Variants in DTNBP1 observed in about 807,000 individuals in gnomAD.
The protein encoded by DTNBP1 is dystrobrevin binding protein 1, also known as dysbindin.
A neutral mutation model predicts 42.8 loss-of-function variants in DTNBP1; 35 were observed. The observed-to-expected ratio is 0.82, with a 90% CI of 0.63 to 1.09. The LOEUF (loss-of-function observed/expected upper bound fraction) is 1.09, where lower values mean the gene tolerates loss of function less well. Among genes scored for constraint, DTNBP1 ranks in the 50% least tolerant of loss-of-function variants. The pLI, the probability that DTNBP1 is intolerant of heterozygous loss-of-function variation, is 0.00. For missense variants in DTNBP1, 457 were observed against 424.2 expected (o/e 1.08, Z -0.68); for synonymous variants, 171 against 162.2 (o/e 1.05, Z -0.41).
intron 1 of DTNBP1, among the ~76,000 whole-genome samples, chr6:15,659,414 G>A (rs1761465639): frequency 6.6e-6 from 1 of 152,188 alleles, no homozygotes; most frequent in African/African-American, 2.4e-5. Context: ...AATTATTTTA[G>A]AAGGCAGCTG....
intron 6 of DTNBP1, among the ~76,000 whole-genome samples, chr6:15,599,003 T>G (rs1169147037): frequency 1.3e-5 from 2 of 152,232 alleles, no homozygotes; most frequent in East Asian, 3.9e-4. Flanking sequence ...GAAAAGGATC[T>G]GAAGGATATG....
intron 9 of DTNBP1, chr6:15,523,556 A>G: frequency 8.9e-6 from 11 of 1,234,630 alleles, no homozygotes; most frequent in Non-Finnish European, 1.1e-5. Flanking sequence ...TTGATAATCT[A>G]GATTTCTTTT....
intron 3 of DTNBP1, among the ~76,000 whole-genome samples, chr6:15,650,437 G>C (rs191959316): frequency 6.6e-6 from 1 of 151,920 alleles, no homozygotes; most frequent in African/African-American, 2.4e-5. Flanking sequence ...TGCACCACCA[G>C]GCCCAGCTAA....
At chr6:15,615,203 A>G in intron 6 of DTNBP1, 64 bp downstream of exon 6, 1 of 1,607,444 alleles carries the variant, frequency 6.2e-7, no homozygotes, top group Non-Finnish European at 8.5e-7. Flanking sequence ...AAAGAGTAGC[A>G]TGTAAAGTAA....
intron 1 of DTNBP1, among the ~76,000 whole-genome samples, chr6:15,658,239 C>CTGTAGATA (rs1223332946): frequency 4.6e-5 from 7 of 152,158 alleles, no homozygotes; most frequent in African/African-American, 1.7e-4. Context: ...GGCACTGGCA[C>CTGTAGATA]TTAATAGGAA....
chr6:15,582,437 A>G (rs1452115333), intron 7 of DTNBP1, among the ~76,000 whole-genome samples: 1 of 152,240 alleles, frequency 6.6e-6, no homozygotes, highest in Non-Finnish European at 1.5e-5. Flanking sequence ...CAAAGTACAG[A>G]GCTAACACAT....
intron 3 of DTNBP1, among the ~76,000 whole-genome samples, chr6:15,640,140 C>T (rs1760259000): frequency 6.6e-6 from 1 of 152,192 alleles, no homozygotes; most frequent in African/African-American, 2.4e-5. Flanking sequence ...GAGAAAGGCA[C>T]TAAATCCATT....
At chr6:15,624,929 T>C (rs1759255507) in intron 5 of DTNBP1, among the ~76,000 whole-genome samples, 1 of 152,140 alleles carries the variant, frequency 6.6e-6, no homozygotes, top group African/African-American at 2.4e-5. Context: ...ATGGTACAGA[T>C]ACATGTTTAC....
intron 4 of DTNBP1, among the ~76,000 whole-genome samples, chr6:15,634,594 A>T (rs1032423060): frequency 1.3e-5 from 2 of 152,238 alleles, no homozygotes; most frequent in Non-Finnish European, 1.5e-5. Flanking sequence ...CTGGGATTAC[A>T]GGTGTGAGCC....
At chr6:15,634,314 T>C (rs1759874302) in intron 4 of DTNBP1, among the ~76,000 whole-genome samples, 2 of 152,176 alleles carry the variant, frequency 1.3e-5, no homozygotes, top group Admixed American at 1.3e-4. Context: ...TGTTCTAGTT[T>C]TTTTCTACTA....
rs778746680 is a variant in DTNBP1, at chr6:15,637,722, A to G, written c.222+22T>C. 5.6e-6 allele frequency: 9 copies of G among 1,613,140 alleles called. No individual in the cohort carries two copies. In the African/African-American group the frequency reaches 1.1e-4, roughly 19 times the overall value. On this transcript the variant is annotated intron_variant, in intron 4 of 9. Coordinates refer to ENST00000344537, the MANE Select transcript of DTNBP1 (RefSeq NM_032122.5). ...TGAAAAAGGAAAGTTTGCCACGAGT[A>G]TAAGATTAGTCAATTCTTTACCTCT...
At chr6:15,641,269 C>T (rs1760334920) in intron 3 of DTNBP1, among the ~76,000 whole-genome samples, 1 of 152,060 alleles carries the variant, frequency 6.6e-6, no homozygotes, top group Non-Finnish European at 1.5e-5. Flanking sequence ...ATATCAAAAG[C>T]CAGTTTTTCT....
intron 7 of DTNBP1, among the ~76,000 whole-genome samples, chr6:15,535,984 G>A (rs555374087): frequency 2.4e-4 from 36 of 152,304 alleles, no homozygotes; most frequent in Admixed American, 9.1e-4. Context: ...GTGGAACCTT[G>A]AACTTGAGAG....
rs371513993 is a variant in DTNBP1, at chr6:15,629,757, G to A, written c.223-2282C>T. 2.6e-5 allele frequency among the ~76,000 whole-genome samples: 4 copies of A among 152,238 alleles called. No individual in the cohort carries two copies. The South Asian group carries it at 8.3e-4, about 32-fold the overall frequency. Reference sequence around the variant, plus strand: ...CATTATACAGATTTTAAAAATTGAGGTGTAATGAAGTTAAGTTACTTCCTT... The same window carrying A: ...CATTATACAGATTTTAAAAATTGAGATGTAATGAAGTTAAGTTACTTCCTT... On this transcript the variant is annotated intron_variant, in intron 4 of 9. Transcript: ENST00000344537.
rs117610176 is a variant in DTNBP1 at position 15,524,368 on chromosome 6, A to G, written c.811+158T>C. 3,433 of 1,613,690 alleles carry G rather than the reference A, an allele frequency of 2.1e-3. 90 individuals carry two copies. In the East Asian group the frequency reaches 0.068, roughly 32 times the overall value. ...ACCACACCACTGTTGCAGCTGCCAC[A>G]CAGCCGTGTGGAACCGTGGGGTTAG... On this transcript the variant is annotated intron_variant, in intron 9 of 9. Coordinates refer to ENST00000344537, the MANE Select transcript of DTNBP1 (RefSeq NM_032122.5).
At chr6:15,633,429 T>C (rs1246739693) in intron 4 of DTNBP1, among the ~76,000 whole-genome samples, 10 of 151,772 alleles carry the variant, frequency 6.6e-5, no homozygotes, top group Non-Finnish European at 1.2e-4. Context: ...TTAACAGGAG[T>C]TTGGAAGAAA....
chr6:15,654,630 C>T (rs1460952921), intron 1 of DTNBP1, among the ~76,000 whole-genome samples: 1 of 151,746 alleles, frequency 6.6e-6, no homozygotes, highest in African/African-American at 2.4e-5. Flanking sequence ...CTCCCCGCCA[C>T]CGACAAAAAG....
chr6:15,629,511 A>G (rs1287240310), intron 4 of DTNBP1, among the ~76,000 whole-genome samples: 1 of 152,132 alleles, frequency 6.6e-6, no homozygotes, highest in East Asian at 1.9e-4. Context: ...TATAGAATAT[A>G]AGCATATGTA....
chr6:15,574,692 GGGA>G (rs996974622), intron 7 of DTNBP1, among the ~76,000 whole-genome samples: 1 of 152,102 alleles, frequency 6.6e-6, no homozygotes, highest in Non-Finnish European at 1.5e-5. Flanking sequence ...ACTTTTGTGG[GGGA>G]GGAGGAGGAG....
Sources: allele counts gnomAD v4.1 joint callset (sites outside exome capture counted in the v4.1 genomes callset), GRCh38; gene constraint gnomAD v4.1.1; transcripts MANE v1.5; gene names NCBI Gene and HGNC (gene_info 2026-07-23, HGNC 2026-07-21).